PDE3A: variants seen among roughly 807,000 people sequenced by gnomAD.
The protein encoded by PDE3A is phosphodiesterase 3A.
In PDE3A, 43 loss-of-function variants were observed where a neutral mutation model predicts 98.3. The ratio of observed to expected loss-of-function variants is 0.44; its 90% confidence interval spans 0.34 to 0.56. The LOEUF (loss-of-function observed/expected upper bound fraction) is 0.56. Ranked by LOEUF, PDE3A falls within the 20% of genes least tolerant of loss-of-function variation. The pLI is 0.01. For synonymous variants in PDE3A, 663 were observed against 567.9 expected (o/e 1.17, Z -2.38); for missense variants, 1,427 against 1,440.7 (o/e 0.99, Z 0.15).
chr12:20,464,491 A>G (rs1422842611), intron 1 of PDE3A, among the ~76,000 whole-genome samples: 4 of 152,124 alleles, frequency 2.6e-5, no homozygotes, highest in Admixed American at 6.6e-5. Context: ...TATCATAATT[A>G]TCTTTTCTGT....
intron 3 of PDE3A, among the ~76,000 whole-genome samples, chr12:20,614,916 A>G (rs1943961894): frequency 6.6e-6 from 1 of 152,028 alleles, no homozygotes; most frequent in Admixed American, 6.6e-5. Flanking sequence ...CGCAGATAAA[A>G]GTGGGTTGTG....
rs867041864 is a variant in PDE3A at position 20,369,349 on chromosome 12, C to G, written c.65C>G (p.Ala22Gly). 8 of 1,548,556 alleles carry G rather than the reference C, an allele frequency of 5.2e-6. No homozygotes were observed. The highest frequency in any genetic ancestry group is 6.1e-6 in the Non-Finnish European group (7 of 1,146,366). ...CCCGTCCACAGTGGGGTGAGTCAAG[C>G]CCCCACGGCGGGCCGGGACTGCCAC... The part of the protein sequence containing the change: ...DKPVHSGVSQ[A>G]PTAGRDCHHR... Residue 22 changes from alanine (A) to glycine (G), a missense_variant, in exon 1 of 16, where the codon GCC (alanine) becomes GGC (glycine). Physicochemically the swap from Ala to Gly is moderately conservative, Grantham distance 60. This residue lies in a region of PDE3A where 1,012 missense variants were observed against 886.5 expected (regional missense o/e 1.14). Transcript: ENST00000359062.
intron 1 of PDE3A, among the ~76,000 whole-genome samples, chr12:20,381,069 T>C (rs947643687): frequency 1.3e-5 from 2 of 151,834 alleles, no homozygotes; most frequent in African/African-American, 4.8e-5. Context: ...ATTAAGGCAG[T>C]AGCCTCGTTT....
chr12:20,411,001 G>C (rs562467108), intron 1 of PDE3A, among the ~76,000 whole-genome samples: 1 of 152,184 alleles, frequency 6.6e-6, no homozygotes, highest in African/African-American at 2.4e-5. Flanking sequence ...TTGTCAGGCT[G>C]GATCTCCTTA....
chr12:20,521,019 C>T (rs947258385), intron 1 of PDE3A, among the ~76,000 whole-genome samples: 6 of 152,116 alleles, frequency 3.9e-5, no homozygotes, highest in African/African-American at 7.2e-5. Context: ...AGAATGGCCT[C>T]GGCTTCTCCT....
intron 15 of PDE3A, among the ~76,000 whole-genome samples, chr12:20,656,720 A>G (rs951788593): frequency 1.3e-5 from 2 of 152,152 alleles, no homozygotes; most frequent in African/African-American, 4.8e-5. Context: ...CCACTGAATG[A>G]AGGTATTGTC....
intron 1 of PDE3A, among the ~76,000 whole-genome samples, chr12:20,500,339 A>G (rs1945998694): frequency 6.6e-6 from 1 of 152,162 alleles, no homozygotes; most frequent in Admixed American, 6.6e-5. Context: ...TCTTACTTGG[A>G]ATATTATTGT....
At chr12:20,488,775 G>A (rs574372351) in intron 1 of PDE3A, among the ~76,000 whole-genome samples, 138 of 151,866 alleles carry the variant, frequency 9.1e-4, no homozygotes, top group African/African-American at 3.1e-3. Context: ...CCAGCTACTC[G>A]AGAGGCTGAA....
intron 1 of PDE3A, among the ~76,000 whole-genome samples, chr12:20,472,710 T>C (rs939794128): frequency 6.6e-6 from 1 of 152,200 alleles, no homozygotes; most frequent in Non-Finnish European, 1.5e-5. Context: ...GGGTTTCTTC[T>C]GAAATTTTTT....
At chr12:20,487,796 A>G (rs1945757801) in intron 1 of PDE3A, among the ~76,000 whole-genome samples, 1 of 152,066 alleles carries the variant, frequency 6.6e-6, no homozygotes, top group Non-Finnish European at 1.5e-5. Flanking sequence ...TATTATTTTC[A>G]GAGTTGTAAA....
intron 1 of PDE3A, among the ~76,000 whole-genome samples, chr12:20,423,778 C>A (rs1944561343): frequency 6.6e-6 from 1 of 152,126 alleles, no homozygotes. Context: ...TTCCTATAGC[C>A]TCCTGGTGGT....
At chr12:20,619,820 T>A (rs967468069) in intron 4 of PDE3A, among the ~76,000 whole-genome samples, 3 of 151,952 alleles carry the variant, frequency 2.0e-5, no homozygotes, top group Admixed American at 2.0e-4. Flanking sequence ...AGTTTTAAAA[T>A]ACCTGGGTCA....
At chr12:20,483,517 C>T (rs1476472133) in intron 1 of PDE3A, among the ~76,000 whole-genome samples, 2 of 152,128 alleles carry the variant, frequency 1.3e-5, no homozygotes, top group Admixed American at 1.3e-4. Flanking sequence ...GAGAATAACC[C>T]AGTATCAAGT....
intron 15 of PDE3A, among the ~76,000 whole-genome samples, chr12:20,662,839 G>A (rs1945209101): frequency 6.6e-6 from 1 of 152,184 alleles, no homozygotes; most frequent in Non-Finnish European, 1.5e-5. Flanking sequence ...CAGAAAATTT[G>A]CATAAGTAAC....
intron 1 of PDE3A, among the ~76,000 whole-genome samples, chr12:20,543,106 T>G (rs1941962371): frequency 6.6e-6 from 1 of 152,072 alleles, no homozygotes. Context: ...TGAAGTTAAG[T>G]TCATATAGTT....
intron 15 of PDE3A, among the ~76,000 whole-genome samples, chr12:20,660,533 C>G (rs1431006632): frequency 6.6e-6 from 1 of 152,012 alleles, no homozygotes; most frequent in Admixed American, 6.5e-5. Flanking sequence ...CCACCCAAAT[C>G]TAATCTTAAA....
chr12:20,510,127 A>G (rs1031465130), intron 1 of PDE3A, among the ~76,000 whole-genome samples: 1 of 152,032 alleles, frequency 6.6e-6, no homozygotes, highest in African/African-American at 2.4e-5. Context: ...TTAGATAGCA[A>G]CACATTTTAT....
intron 1 of PDE3A, among the ~76,000 whole-genome samples, chr12:20,429,955 C>G (rs953249979): frequency 2.0e-5 from 3 of 152,058 alleles, no homozygotes; most frequent in Admixed American, 1.3e-4. Flanking sequence ...CTCTGAAATG[C>G]CCCTAAATGT....
chr12:20,669,795 C>A (rs570618773), intron 15 of PDE3A, among the ~76,000 whole-genome samples: 1 of 151,516 alleles, frequency 6.6e-6, no homozygotes, highest in Non-Finnish European at 1.5e-5. Context: ...CATAAACTAA[C>A]GAGCAAAATA....
Sources: gnomAD v4.1 joint callset for allele counts (sites outside exome capture counted in the v4.1 genomes callset) on GRCh38, gnomAD v4.1.1 for gene constraint, gnomAD v4.1.1 regional missense constraint, MANE v1.5 for transcripts, NCBI Gene and HGNC (gene_info 2026-07-23, HGNC 2026-07-21) for gene names.